TP63: variants seen among roughly 807,000 people sequenced by gnomAD.
The protein encoded by TP63 is tumor protein p63, also known as tumor protein 63.
TP63 carries 17 observed loss-of-function variants against 82.8 expected under a neutral mutation model. That is an observed-to-expected ratio of 0.21 (90% confidence interval 0.14 to 0.31). The LOEUF is 0.31. Among genes scored for constraint, TP63 ranks in the 10% least tolerant of loss-of-function variants. The probability of loss-of-function intolerance (pLI) is 1.00; values close to 1 mark genes in which losing one functional copy is unlikely to be tolerated. For missense variants in TP63, 648 were observed against 895.3 expected (o/e 0.72, Z 3.52); for synonymous variants, 330 against 321.7 (o/e 1.03, Z -0.28).
Position 189,715,855 on chromosome 3 carries a change from C to T in TP63, c.63-21885C>T, listed in dbSNP as rs919279675. On this transcript the variant is annotated intron_variant, in intron 1 of 13. Coordinates refer to ENST00000264731, the MANE Select transcript of TP63 (RefSeq NM_003722.5). ...AGAAATAATTCTAAGTCTACGTGAG[C>T]ACTGAGGCTTCAGGAACTGAACCAT... Among the ~76,000 whole-genome samples, 3 of 152,308 alleles carry T rather than the reference C, an allele frequency of 2.0e-5. No individual in the cohort carries two copies. In the East Asian group the frequency reaches 5.8e-4, roughly 29 times the overall value.
intron 10 of TP63, 27 bp downstream of exon 10, chr3:189,873,022 G>A (rs1488626613): frequency 6.2e-7 from 1 of 1,614,094 alleles, no homozygotes; most frequent in South Asian, 1.1e-5. Flanking sequence ...GTCATTTTAG[G>A]AGGCATGAGT....
At chr3:189,867,731 A>T in intron 6 of TP63, 102 bp from the exon 7 acceptor site, 1 of 1,060,490 alleles carries the variant, frequency 9.4e-7, no homozygotes, top group Non-Finnish European at 1.4e-6. Context: ...GAAGCGTATC[A>T]CTTCATCAGA....
intron 1 of TP63, among the ~76,000 whole-genome samples, chr3:189,724,884 T>C (rs1370503428): frequency 6.6e-6 from 1 of 152,038 alleles, no homozygotes; most frequent in Non-Finnish European, 1.5e-5. Context: ...TGGATGGGGG[T>C]ACGGGAGAGA....
chr3:189,748,630 A>G (rs1195371678), intron 3 of TP63, among the ~76,000 whole-genome samples: 1 of 151,834 alleles, frequency 6.6e-6, no homozygotes, highest in Non-Finnish European at 1.5e-5. Flanking sequence ...CAATCTATAG[A>G]TTCAAAGCAA....
chr3:189,839,050 A>AG (rs1371899576), intron 4 of TP63, among the ~76,000 whole-genome samples: 1 of 147,522 alleles, frequency 6.8e-6, no homozygotes, highest in Non-Finnish European at 1.5e-5. Flanking sequence ...TAAAAAAAAA[A>AG]AAAAAAAAAA....
At chr3:189,874,216 C>T (rs1422595134) in intron 10 of TP63, among the ~76,000 whole-genome samples, 3 of 152,016 alleles carry the variant, frequency 2.0e-5, no homozygotes, top group Non-Finnish European at 4.4e-5. Flanking sequence ...ATTAGAGGCA[C>T]CTGCCACCAT....
intron 11 of TP63, 55 bp from the exon 12 acceptor site, chr3:189,889,285 A>G (rs1720771446): frequency 1.5e-5 from 24 of 1,613,206 alleles, no homozygotes; most frequent in Non-Finnish European, 2.0e-5. Context: ...GACCACTGGG[A>G]TGCTGGTACA....
chr3:189,617,002 T>G, the TP63 span, among the ~76,000 whole-genome samples: 1 of 152,178 alleles, frequency 6.6e-6, no homozygotes, highest in African/African-American at 2.4e-5. Flanking sequence ...AAAATAACTA[T>G]CAGGCTTTCT....
At chr3:189,753,430 G>C (rs141401088) in intron 3 of TP63, among the ~76,000 whole-genome samples, 4 of 151,652 alleles carry the variant, frequency 2.6e-5, no homozygotes, top group Non-Finnish European at 4.4e-5. Context: ...GCTTTTTTCC[G>C]AAGTCTACTT....
intron 4 of TP63, among the ~76,000 whole-genome samples, chr3:189,838,585 C>T (rs537197381): frequency 2.0e-5 from 3 of 152,018 alleles, no homozygotes; most frequent in Admixed American, 6.6e-5. Flanking sequence ...CCAAGCACCC[C>T]CTACACCTAC....
upstream of TP63, among the ~76,000 whole-genome samples, chr3:189,630,520 A>G (rs1729417765): frequency 6.6e-6 from 1 of 152,202 alleles, no homozygotes; most frequent in South Asian, 2.1e-4. Flanking sequence ...CAAAAACAGC[A>G]AAAACTGTAA....
chr3:189,856,228 C>T (rs1280949936), intron 4 of TP63, among the ~76,000 whole-genome samples: 2 of 150,230 alleles, frequency 1.3e-5, no homozygotes, highest in South Asian at 2.1e-4. Context: ...AAATGGAACC[C>T]GTGAAACAAG....
At chr3:189,763,163 A>G (rs1722704843) in intron 3 of TP63, among the ~76,000 whole-genome samples, 1 of 152,046 alleles carries the variant, frequency 6.6e-6, no homozygotes, top group South Asian at 2.1e-4. Flanking sequence ...ATTCCCAACT[A>G]CTAAGGAGGC....
At chr3:189,662,487 A>G (rs1713970817) in intron 1 of TP63, among the ~76,000 whole-genome samples, 1 of 151,978 alleles carries the variant, frequency 6.6e-6, no homozygotes, top group African/African-American at 2.4e-5. Context: ...ATGGTTAAGT[A>G]TGTGTACATT....
intron 4 of TP63, among the ~76,000 whole-genome samples, chr3:189,819,950 C>T (rs754988927): frequency 6.6e-6 from 1 of 151,856 alleles, no homozygotes; most frequent in Non-Finnish European, 1.5e-5. Flanking sequence ...GGAGTTTCAC[C>T]ATCTTGGCCA....
In TP63 at chr3:189,848,239, T is replaced by TCTCTC. The variant is rs372147574; in HGVS notation, c.580-15993_580-15992insCTCTC. On this transcript the variant is annotated intron_variant, in intron 4 of 13. Coordinates refer to ENST00000264731, the MANE Select transcript of TP63 (RefSeq NM_003722.5). Reference sequence around the variant, plus strand: ...CTCTGCCTCCTCCTCCTCCTCCTCCTTCTCTCTCTCTCTCTCTCTCTCTCT... The same window carrying TCTCTC: ...CTCTGCCTCCTCCTCCTCCTCCTCCTCTCTCTCTCTCTCTCTCTCTCTCTCTCTCT... 1.0e-3 allele frequency among the ~76,000 whole-genome samples: 96 copies of TCTCTC among 96,024 alleles called. 1 individual carries two copies. The highest frequency in any genetic ancestry group is 4.0e-3 in the African/African-American group (93 of 23,480). The allele number at this position is 96,024 out of a possible 152,430, so 63.0% of individuals were successfully genotyped here.
At chr3:189,758,481 G>A (rs1171770782) in intron 3 of TP63, among the ~76,000 whole-genome samples, 1 of 152,184 alleles carries the variant, frequency 6.6e-6, no homozygotes, top group Non-Finnish European at 1.5e-5. Flanking sequence ...AGGGGAGAAG[G>A]GATGCAAGAC....
chr3:189,828,249 C>CAA (rs556370643), intron 4 of TP63, among the ~76,000 whole-genome samples: 8 of 84,614 alleles, frequency 9.5e-5, no homozygotes, highest in African/African-American at 3.5e-4. Context: ...TCAAAACAAG[C>CAA]AAAAAAAAAA....
Position 189,884,501 on chromosome 3 carries a change from C to T in TP63, c.1350-1893C>T, listed in dbSNP as rs576329012. 1.9e-3 allele frequency among the ~76,000 whole-genome samples: 285 copies of T among 152,272 alleles called. 1 individual carries two copies. The highest frequency in any genetic ancestry group is 3.3e-3 in the Non-Finnish European group (224 of 68,018). On this transcript the variant is annotated intron_variant, in intron 10 of 13. Transcript: ENST00000264731. ...TTTTTCTTAGAACCTTATATTTACC[C>T]ATATGTATATTTGGAATAGTAATTT...
Sources: gnomAD v4.1 joint callset for allele counts (sites outside exome capture counted in the v4.1 genomes callset) on GRCh38, gnomAD v4.1.1 for gene constraint, MANE v1.5 for transcripts, NCBI Gene and HGNC (gene_info 2026-07-23, HGNC 2026-07-21) for gene names.